Variants in ADGRL2 observed in about 807,000 individuals in gnomAD.
The protein encoded by ADGRL2 is calcium-independent alpha-latrotoxin receptor 2.
Under a neutral mutation model 157.4 loss-of-function variants are expected in ADGRL2, and 44 were observed. The ratio of observed to expected loss-of-function variants is 0.28; its 90% confidence interval spans 0.22 to 0.36. ADGRL2 has a LOEUF of 0.36. ADGRL2 is among the 10% of genes least tolerant of loss of function. The probability of loss-of-function intolerance (pLI) is 1.00; values close to 1 mark genes in which losing one functional copy is unlikely to be tolerated. For synonymous variants in ADGRL2, 585 were observed against 624.7 expected (o/e 0.94, Z 0.95); for missense variants, 1,510 against 1,768.9 (o/e 0.85, Z 2.63).
chr1:81,430,921 T>C (rs973824780), intron 1 of ADGRL2, among the ~76,000 whole-genome samples: 1 of 152,196 alleles, frequency 6.6e-6, no homozygotes, highest in South Asian at 2.1e-4. Context: ...CAAGTTTGTC[T>C]TGAAAGAAAA....
intron 3 of ADGRL2, chr1:81,586,399 T>C (rs1570575007): frequency 6.6e-6 from 1 of 152,024 alleles, no homozygotes. Context: ...AAAAAATGAA[T>C]ATTATTAGGC....
At chr1:81,622,187 A>G (rs928287321) in intron 3 of ADGRL2, among the ~76,000 whole-genome samples, 2 of 152,224 alleles carry the variant, frequency 1.3e-5, no homozygotes, top group Non-Finnish European at 2.9e-5. Context: ...TGACTCATCC[A>G]AATCAACAGC....
In ADGRL2 at chr1:81,714,452, A is replaced by G. The variant is rs537196943; in HGVS notation, c.-143+14644A>G. On this transcript the variant is annotated intron_variant, in intron 1 of 20. Coordinates refer to the ADGRL2 transcript ENST00000359929. Reference sequence around the variant, plus strand: ...ACTGACTAATCATTTCACCTCAAGCAATCTTTTATAGTATGGGGCAGGGCA... The same window carrying G: ...ACTGACTAATCATTTCACCTCAAGCGATCTTTTATAGTATGGGGCAGGGCA... Among the ~76,000 whole-genome samples, 12 of 152,298 alleles carry G rather than the reference A, an allele frequency of 7.9e-5. No homozygotes were observed. In the East Asian group the frequency reaches 2.1e-3, roughly 27 times the overall value.
intron 2 of ADGRL2, among the ~76,000 whole-genome samples, chr1:81,551,171 T>A (rs2080136660): frequency 6.6e-6 from 1 of 152,154 alleles, no homozygotes; most frequent in Admixed American, 6.5e-5. Flanking sequence ...AGGTGGAAAC[T>A]AGAATTTTTG....
intron 3 of ADGRL2, among the ~76,000 whole-genome samples, chr1:81,589,991 C>T (rs142031439): frequency 3.6e-4 from 55 of 152,264 alleles, no homozygotes; most frequent in Admixed American, 1.2e-3. Flanking sequence ...CTCTAACAAG[C>T]GGCCCATGGT....
At chr1:81,643,104 TA>T (rs1254933384) in intron 3 of ADGRL2, among the ~76,000 whole-genome samples, 3 of 152,024 alleles carry the variant, frequency 2.0e-5, no homozygotes, top group Non-Finnish European at 4.4e-5. Context: ...GAAAAGGAAA[TA>T]AAAAGTATAC....
intron 1 of ADGRL2, among the ~76,000 whole-genome samples, chr1:81,728,743 C>G (rs1471882163): frequency 2.6e-5 from 4 of 152,136 alleles, no homozygotes; most frequent in Non-Finnish European, 4.4e-5. Flanking sequence ...ATCTCTCTGT[C>G]TCTCTTTTAC....
chr1:81,750,994 T>G (rs1571069615), intron 1 of ADGRL2, among the ~76,000 whole-genome samples: 1 of 151,998 alleles, frequency 6.6e-6, no homozygotes, highest in African/African-American at 2.4e-5. Flanking sequence ...AAATTAAGAC[T>G]CCTTAGAGAA....
At chr1:81,380,728 T>A (rs1414686059) in intron 1 of ADGRL2, among the ~76,000 whole-genome samples, 3 of 152,216 alleles carry the variant, frequency 2.0e-5, no homozygotes, top group Non-Finnish European at 4.4e-5. Flanking sequence ...TTCAGCTGTC[T>A]GTTTTTATTC....
Position 81,952,116 on chromosome 1 carries a change from G to C in ADGRL2, c.1768G>C (p.Asp590His), listed in dbSNP as rs750247530. Residue 590 changes from aspartate (D) to histidine (H), a missense_variant, in exon 9 of 24, where the codon GAT becomes CAT. By Grantham distance (81) the Asp-to-His change is moderately conservative. Coordinates refer to ENST00000686636, the MANE Select transcript of ADGRL2 (RefSeq NM_001366006.2). ...QLQELKPSEKDSAGRSYNKLQ... is the reference protein window; with the variant it reads ...QLQELKPSEKHSAGRSYNKLQ... ...GCAGGAACTGAAACCTAGTGAAAAA[G>C]ATTCAGCTGGACGGAGTTATAACAA... 1 of 1,612,474 alleles carries C rather than the reference G, an allele frequency of 6.2e-7. No homozygotes were observed. The highest frequency in any genetic ancestry group is 1.3e-5 in the African/African-American group (1 of 74,832).
At chr1:81,788,899 G>T (rs2087189570) in intron 2 of ADGRL2, among the ~76,000 whole-genome samples, 1 of 152,036 alleles carries the variant, frequency 6.6e-6, no homozygotes. Flanking sequence ...TGTATTTTTA[G>T]TAGAGACGAG....
intron 2 of ADGRL2, among the ~76,000 whole-genome samples, chr1:81,536,033 TCA>T (rs1163436454): frequency 6.6e-6 from 1 of 152,182 alleles, no homozygotes; most frequent in Non-Finnish European, 1.5e-5. Context: ...CACATGAATC[TCA>T]GATATGCCAT....
At chr1:81,644,884 A>G (rs2082283951) in intron 3 of ADGRL2, among the ~76,000 whole-genome samples, 1 of 152,190 alleles carries the variant, frequency 6.6e-6, no homozygotes, top group South Asian at 2.1e-4. Flanking sequence ...AATAAAATTT[A>G]TTTAAAAACA....
At chr1:81,437,266 A>G (rs1209868159) in intron 1 of ADGRL2, among the ~76,000 whole-genome samples, 2 of 151,756 alleles carry the variant, frequency 1.3e-5, no homozygotes, top group African/African-American at 4.8e-5. Flanking sequence ...CAAGAGAACT[A>G]ATTTTTCTCT....
At chr1:81,986,083 A>T (rs1267076354) in intron 21 of ADGRL2, among the ~76,000 whole-genome samples, 1 of 152,106 alleles carries the variant, frequency 6.6e-6, no homozygotes, top group East Asian at 1.9e-4. Context: ...TGTGGTAGCA[A>T]TACTAACCTG....
At chr1:81,797,608 A>C (rs2087654629), upstream of ADGRL2, among the ~76,000 whole-genome samples, 1 of 152,150 alleles carries the variant, frequency 6.6e-6, no homozygotes, top group Non-Finnish European at 1.5e-5. Context: ...ATACTATTTC[A>C]GATTCTTTGT....
chr1:81,404,944 T>C (rs549632468), intron 1 of ADGRL2, among the ~76,000 whole-genome samples: 70 of 152,356 alleles, frequency 4.6e-4, no homozygotes, highest in Middle Eastern at 3.4e-3. Context: ...TGACTATAAA[T>C]ATGGCTTTTA....
chr1:81,628,331 G>A (rs1254596496), intron 3 of ADGRL2, among the ~76,000 whole-genome samples: 2 of 152,150 alleles, frequency 1.3e-5, no homozygotes, highest in South Asian at 2.1e-4. Flanking sequence ...TCATTTGGGT[G>A]TGTAAGTCCC....
intron 3 of ADGRL2, among the ~76,000 whole-genome samples, chr1:81,682,317 T>C (rs1249867442): frequency 6.6e-6 from 1 of 152,060 alleles, no homozygotes. Flanking sequence ...ATTTTAGGAC[T>C]GAGGAAAAAA....
Sources: allele counts gnomAD v4.1 joint callset (sites outside exome capture counted in the v4.1 genomes callset), GRCh38; gene constraint gnomAD v4.1.1; transcripts MANE v1.5; gene names NCBI Gene and HGNC (gene_info 2026-07-23, HGNC 2026-07-21).